Variants in STARD13 observed in about 807,000 individuals in gnomAD.
STARD13 encodes stAR-related lipid transfer protein 13.
Under a neutral mutation model 106.4 loss-of-function variants are expected in STARD13, and 62 were observed. The observed-to-expected ratio is 0.58, with a 90% CI of 0.48 to 0.72. The LOEUF (loss-of-function observed/expected upper bound fraction) is 0.72, where lower values mean the gene tolerates loss of function less well. Among genes scored for constraint, STARD13 ranks in the 30% least tolerant of loss-of-function variants. STARD13 has a pLI of 0.00. For missense variants in STARD13, 1,387 were observed against 1,424.0 expected, an observed-to-expected ratio of 0.97 and a Z score of 0.42; for synonymous variants, 565 against 553.0, an observed-to-expected ratio of 1.02 and a Z score of -0.31.
At chr13:33,296,435 C>CCT (rs59268692) in intron 1 of STARD13, among the ~76,000 whole-genome samples, 2 of 151,012 alleles carry the variant, frequency 1.3e-5, no homozygotes, top group African/African-American at 2.4e-5. Flanking sequence ...CATAGTGACA[C>CCT]GTGTGTGTGT....
the STARD13 span, among the ~76,000 whole-genome samples, chr13:33,457,517 G>A: frequency 1.3e-5 from 2 of 152,186 alleles, no homozygotes; most frequent in Non-Finnish European, 2.9e-5. Context: ...ACGATATTAG[G>A]AGTGCAAGAA....
chr13:33,285,853 G>C, upstream of STARD13: 1 of 1,171,666 alleles, frequency 8.5e-7, no homozygotes. Context: ...AGGAAAATGG[G>C]AACGTTTGCA....
intron 1 of STARD13, among the ~76,000 whole-genome samples, chr13:33,305,229 T>A (rs1235865199): frequency 2.0e-5 from 3 of 152,212 alleles, no homozygotes; most frequent in Admixed American, 6.5e-5. Context: ...GCCAGGTAGG[T>A]ACATTTCTTC....
chr13:33,507,676 A>T, the STARD13 span, among the ~76,000 whole-genome samples: 1 of 152,194 alleles, frequency 6.6e-6, no homozygotes, highest in South Asian at 2.1e-4. Flanking sequence ...AGAAAACTTA[A>T]CTGTTAACAC....
At chr13:33,219,515 TC>T (rs1394941062) in intron 1 of STARD13, among the ~76,000 whole-genome samples, 1 of 75,730 alleles carries the variant, frequency 1.3e-5, no homozygotes, top group African/African-American at 6.9e-5. Flanking sequence ...TGAGACTCCT[TC>T]TCAAAAAAAA....
At chr13:33,563,268 C>A in the STARD13 span, among the ~76,000 whole-genome samples, 1 of 146,328 alleles carries the variant, frequency 6.8e-6, no homozygotes, top group Admixed American at 7.0e-5. Context: ...CCCATATAGC[C>A]AAAGCAATTC....
intron 12 of STARD13, among the ~76,000 whole-genome samples, chr13:33,108,481 C>A (rs1373323913): frequency 1.3e-5 from 2 of 152,222 alleles, no homozygotes; most frequent in Admixed American, 1.3e-4. Flanking sequence ...CCATCCCTTA[C>A]TATCTCCCTA....
intron 1 of STARD13, among the ~76,000 whole-genome samples, chr13:33,285,173 A>G (rs1891993419): frequency 6.6e-6 from 1 of 152,166 alleles, no homozygotes. Context: ...CTCCTAAGAT[A>G]CACACTGAGT....
upstream of STARD13, chr13:33,285,876 C>A (rs761763836): frequency 4.6e-6 from 4 of 870,500 alleles, no homozygotes; most frequent in Admixed American, 7.8e-5. Flanking sequence ...CAGCCCTAAG[C>A]CCCGACCAGA....
At chr13:33,229,428 C>A (rs373739769) in intron 1 of STARD13, among the ~76,000 whole-genome samples, 19 of 152,198 alleles carry the variant, frequency 1.2e-4, no homozygotes, top group Non-Finnish European at 1.2e-4. Context: ...CGCAAGACTG[C>A]GTGAGCACTG....
chr13:33,324,936 T>G (rs1290826994), intron 1 of STARD13, among the ~76,000 whole-genome samples: 1 of 152,204 alleles, frequency 6.6e-6, no homozygotes, highest in African/African-American at 2.4e-5. Context: ...GTACCGGAAA[T>G]GTCATTTCTA....
intron 1 of STARD13, among the ~76,000 whole-genome samples, chr13:33,298,354 C>T (rs1406194192): frequency 4.7e-5 from 7 of 148,746 alleles, no homozygotes; most frequent in Non-Finnish European, 8.9e-5. Context: ...TTGGTCCAGT[C>T]TAGAACTCCT....
At chr13:33,187,543 C>A (rs924281560) in intron 1 of STARD13, among the ~76,000 whole-genome samples, 1 of 151,988 alleles carries the variant, frequency 6.6e-6, no homozygotes, top group African/African-American at 2.4e-5. Context: ...AGACTTCTAT[C>A]TTTATTTGTC....
the STARD13 span, among the ~76,000 whole-genome samples, chr13:33,602,373 G>A: frequency 6.6e-6 from 1 of 152,284 alleles, no homozygotes; most frequent in Middle Eastern, 3.4e-3. Context: ...TTGCAGGCGT[G>A]AGCCACCAAA....
the STARD13 span, among the ~76,000 whole-genome samples, chr13:33,641,116 T>C: frequency 6.6e-6 from 1 of 152,360 alleles, no homozygotes; most frequent in South Asian, 2.1e-4. Flanking sequence ...AAAGCCTGTG[T>C]GTCTAGATCC....
intron 1 of STARD13, among the ~76,000 whole-genome samples, chr13:33,249,419 T>C (rs1275442152): frequency 2.6e-5 from 4 of 152,236 alleles, no homozygotes; most frequent in Non-Finnish European, 4.4e-5. Context: ...ATTTCTTAAG[T>C]ATGAATCTAA....
the STARD13 span, among the ~76,000 whole-genome samples, chr13:33,647,058 T>C: frequency 6.6e-6 from 1 of 152,256 alleles, no homozygotes; most frequent in African/African-American, 2.4e-5. Context: ...TTTAAGGAAG[T>C]CTTCCACCAG....
At chr13:33,198,736 T>G (rs1211173668) in intron 1 of STARD13, among the ~76,000 whole-genome samples, 1 of 152,166 alleles carries the variant, frequency 6.6e-6, no homozygotes, top group African/African-American at 2.4e-5. Flanking sequence ...AAATTGGGCC[T>G]AGCACACAGT....
At chr13:33,597,771 T>C in the STARD13 span, among the ~76,000 whole-genome samples, 16 of 151,846 alleles carry the variant, frequency 1.1e-4, no homozygotes, top group Non-Finnish European at 2.1e-4. Context: ...GGAGAATCGT[T>C]TGAATCTGGG....
Sources: gnomAD v4.1 joint callset for allele counts (sites outside exome capture counted in the v4.1 genomes callset) on GRCh38, gnomAD v4.1.1 for gene constraint, MANE v1.5 for transcripts, NCBI Gene and HGNC (gene_info 2026-07-23, HGNC 2026-07-21) for gene names.